Variants in DPYD observed in about 807,000 individuals in gnomAD.
DPYD encodes the protein dihydropyrimidine dehydrogenase, also known as dihydropyrimidine dehydrogenase [NADP(+)].
DPYD carries 109 observed loss-of-function variants against 116.2 expected under a neutral mutation model. That is an observed-to-expected ratio of 0.94 (90% CI 0.80 to 1.10). The LOEUF (loss-of-function observed/expected upper bound fraction) is 1.10. Ranked by LOEUF, DPYD falls within the 50% of genes least tolerant of loss-of-function variation. DPYD has a pLI of 0.00. For synonymous variants in DPYD, 440 were observed against 432.0 expected (o/e 1.02, Z -0.23); for missense variants, 1,302 against 1,254.5 (o/e 1.04, Z -0.57).
At chr1:97,912,707 G>T (rs1674012880) in intron 1 of DPYD, among the ~76,000 whole-genome samples, 1 of 152,032 alleles carries the variant, frequency 6.6e-6, no homozygotes, top group Non-Finnish European at 1.5e-5. Flanking sequence ...TTACACTAAG[G>T]TTACACTAAA....
intron 7 of DPYD, among the ~76,000 whole-genome samples, chr1:97,688,661 TA>T (rs1398804003): frequency 6.6e-6 from 1 of 151,764 alleles, no homozygotes; most frequent in Admixed American, 6.6e-5. Flanking sequence ...AAACAACAAA[TA>T]AAAATAAAGC....
At chr1:97,915,569 C>T (rs978054672) in intron 1 of DPYD, among the ~76,000 whole-genome samples, 36 of 152,128 alleles carry the variant, frequency 2.4e-4, no homozygotes, top group African/African-American at 8.4e-4. Flanking sequence ...AGGCCAAAAA[C>T]ACCTTCTGTC....
intron 3 of DPYD, among the ~76,000 whole-genome samples, chr1:97,795,814 A>G (rs892321267): frequency 2.0e-5 from 3 of 152,020 alleles, no homozygotes; most frequent in Non-Finnish European, 2.9e-5. Flanking sequence ...CTGTTATTTT[A>G]TAATGATAAC....
Position 97,078,986 on chromosome 1 carries a change from G to A in DPYD, c.3068C>T (p.Pro1023Leu), listed in dbSNP as rs758640823. 5.6e-6 allele frequency: 9 copies of A among 1,613,416 alleles called. No individual in the cohort carries two copies. The African/African-American group carries it at 6.7e-5, about 12-fold the overall frequency. ...GTTTCACAAATCACCTTAACACACC[G>A]GATTCACAGATAAGGGTACGCCTCT... ...PKRGVPLSVN[P>L]VC Residue 1023 changes from proline (P) to leucine (L), a missense_variant, in exon 23 of 23, where the codon CCG (proline) becomes CTG (leucine). Transcript: ENST00000370192.
chr1:97,391,048 C>CTTTTTT lies in DPYD; in HGVS notation c.1906-8593_1906-8588dup, dbSNP rs571016808. ...TTTGGAGATACCACTTACTTTTCCT[C>CTTTTTT]TTTTTTTTTTTTTTTTTGGTGTTCT... On this transcript the variant is annotated intron_variant, in intron 14 of 22. Transcript: ENST00000370192. 4.6e-3 allele frequency among the ~76,000 whole-genome samples: 613 copies of CTTTTTT among 132,406 alleles called. 4 individuals are homozygous for CTTTTTT. Among genetic ancestry groups the CTTTTTT allele is most frequent in the Non-Finnish European group, 6.5e-3 (404 of 62,358 alleles). The allele number at this position is 132,406 out of a possible 152,430, so 86.9% of individuals were successfully genotyped here.
At chr1:97,907,740 C>G (rs1673710459) in intron 1 of DPYD, among the ~76,000 whole-genome samples, 1 of 151,948 alleles carries the variant, frequency 6.6e-6, no homozygotes, top group Non-Finnish European at 1.5e-5. Context: ...TCCTTCCTTC[C>G]TTTCTTCCTT....
intron 16 of DPYD, among the ~76,000 whole-genome samples, chr1:97,337,319 G>C (rs1056564251): frequency 1.3e-5 from 2 of 152,222 alleles, no homozygotes; most frequent in Non-Finnish European, 2.9e-5. Context: ...TGAGCTTAAA[G>C]TACAATGCCG....
chr1:97,338,052 G>A (rs1669391888), intron 16 of DPYD, among the ~76,000 whole-genome samples: 1 of 152,076 alleles, frequency 6.6e-6, no homozygotes, highest in African/African-American at 2.4e-5. Flanking sequence ...TTTGCTAAAT[G>A]TGTCTGTTAT....
intron 14 of DPYD, among the ~76,000 whole-genome samples, chr1:97,425,585 A>C (rs1293289182): frequency 6.6e-6 from 1 of 152,114 alleles, no homozygotes; most frequent in South Asian, 2.1e-4. Flanking sequence ...GGTCTTTTAT[A>C]GAAACAGATG....
intron 12 of DPYD, among the ~76,000 whole-genome samples, chr1:97,529,746 CCCTT>C (rs1241317168): frequency 2.3e-5 from 3 of 130,846 alleles, no homozygotes; most frequent in Admixed American, 8.1e-5. Flanking sequence ...TTCCTTCTTT[CCCTT>C]CCTTTCTTTC....
At chr1:97,646,491 A>G (rs1464431568) in intron 8 of DPYD, among the ~76,000 whole-genome samples, 1 of 150,946 alleles carries the variant, frequency 6.6e-6, no homozygotes, top group Non-Finnish European at 1.5e-5. Flanking sequence ...ATTTTTTCTT[A>G]TTTTGTTCTG....
intron 8 of DPYD, among the ~76,000 whole-genome samples, chr1:97,610,409 TAA>T (rs1289158926): frequency 1.3e-5 from 2 of 152,008 alleles, no homozygotes; most frequent in African/African-American, 4.8e-5. Flanking sequence ...TGACCAAGAA[TAA>T]AAGAGTGCAG....
At chr1:97,199,083 C>A (rs750112435) in intron 19 of DPYD, among the ~76,000 whole-genome samples, 11 of 152,140 alleles carry the variant, frequency 7.2e-5, no homozygotes, top group Non-Finnish European at 1.3e-4. Context: ...GGGAGCTATT[C>A]TTTTCTCATT....
chr1:97,653,037 C>T (rs746431637), intron 8 of DPYD, among the ~76,000 whole-genome samples: 1 of 152,062 alleles, frequency 6.6e-6, no homozygotes. Flanking sequence ...CATACTCCCA[C>T]CCCTCCAGAT....
intron 16 of DPYD, among the ~76,000 whole-genome samples, chr1:97,363,447 A>G (rs1356968641): frequency 1.3e-5 from 2 of 152,176 alleles, no homozygotes; most frequent in African/African-American, 2.4e-5. Flanking sequence ...TGATCCCATT[A>G]CTGGGTATAT....
chr1:97,720,817 G>A, intron 5 of DPYD: 1 of 1,583,510 alleles, frequency 6.3e-7, no homozygotes, highest in Non-Finnish European at 8.6e-7. Flanking sequence ...TGATACATGG[G>A]AATTAACCTG....
rs569977743 is a variant in DPYD at position 97,571,497 on chromosome 1, C to T, written c.1339+2263G>A. ...ACTAAGGACTGAAAGGATGTCACTG[C>T]ATTTGGCATGCAGTTCACTGAAGTC... is the stretch of plus-strand genomic sequence containing the variant. On this transcript the variant is annotated intron_variant, in intron 11 of 22. Coordinates refer to ENST00000370192, the MANE Select transcript of DPYD (RefSeq NM_000110.4). 4.0e-5 allele frequency among the ~76,000 whole-genome samples: 6 copies of T among 151,880 alleles called. No homozygotes were observed. In the South Asian group the frequency reaches 1.0e-3, roughly 26 times the overall value.
chr1:97,442,596 T>TA (rs1675861097), intron 14 of DPYD, among the ~76,000 whole-genome samples: 1 of 151,984 alleles, frequency 6.6e-6, no homozygotes, highest in African/African-American at 2.4e-5. Flanking sequence ...AGCTGTGAAG[T>TA]AAAATGAATG....
intron 3 of DPYD, among the ~76,000 whole-genome samples, chr1:97,822,848 T>G (rs1669027978): frequency 1.3e-5 from 2 of 152,300 alleles, no homozygotes; most frequent in Non-Finnish European, 2.9e-5. Flanking sequence ...TGTTTGCCAT[T>G]AGAGTTGAAT....
Sources: allele counts gnomAD v4.1 joint callset (sites outside exome capture counted in the v4.1 genomes callset), GRCh38; gene constraint gnomAD v4.1.1; transcripts MANE v1.5; gene names NCBI Gene and HGNC (gene_info 2026-07-23, HGNC 2026-07-21).